The following ZNF638 variants were observed in gnomAD, a reference collection of about 807,000 sequenced individuals.
ZNF638 encodes the protein CTCL tumor antigen se33-1.
Under a neutral mutation model 195.6 loss-of-function variants are expected in ZNF638, and 46 were observed. That is an observed-to-expected ratio of 0.24 (90% confidence interval 0.19 to 0.30). The LOEUF (loss-of-function observed/expected upper bound fraction) is 0.30. ZNF638 is among the 10% of genes least tolerant of loss of function. The probability of loss-of-function intolerance (pLI) is 1.00; values close to 1 mark genes in which losing one functional copy is unlikely to be tolerated. For synonymous variants in ZNF638, 845 were observed against 772.0 expected, an observed-to-expected ratio of 1.09 and a Z score of -1.57; for missense variants, 2,440 against 2,325.3, an observed-to-expected ratio of 1.05 and a Z score of -1.01.
intron 8 of ZNF638, among the ~76,000 whole-genome samples, chr2:71,378,546 A>G (rs546963541): frequency 2.0e-5 from 3 of 152,232 alleles, no homozygotes; most frequent in Admixed American, 2.0e-4. Context: ...ATTGAAGAAC[A>G]CAAAGTCTCT....
chr2:71,383,578 T>C (rs2079573400), intron 10 of ZNF638, among the ~76,000 whole-genome samples: 1 of 146,730 alleles, frequency 6.8e-6, no homozygotes, highest in East Asian at 2.0e-4. Flanking sequence ...TTTTTTTTTT[T>C]TTTCTTCTTT....
chr2:71,344,810 A>T (rs2104141076), intron 1 of ZNF638, among the ~76,000 whole-genome samples: 1 of 152,354 alleles, frequency 6.6e-6, no homozygotes. Context: ...GGAAACTATA[A>T]TACCTTATAA....
chr2:71,337,481 C>T (rs536933258), intron 1 of ZNF638, among the ~76,000 whole-genome samples: 131 of 152,174 alleles, frequency 8.6e-4, no homozygotes, highest in African/African-American at 2.7e-3. Flanking sequence ...TGAGTGATCT[C>T]GGCTCACTGC....
chr2:71,393,367 A>G (rs1363536953), intron 10 of ZNF638: 12 of 715,494 alleles, frequency 1.7e-5, no homozygotes, highest in South Asian at 8.9e-5. Flanking sequence ...GGGGAAGATG[A>G]TATGCTTGTG....
chr2:71,377,013 C>CT, intron 8 of ZNF638, among the ~76,000 whole-genome samples: 1 of 152,226 alleles, frequency 6.6e-6, no homozygotes, highest in African/African-American at 2.4e-5. Context: ...TGGCTCATGC[C>CT]TGTAATCCCA....
At chr2:71,340,574 G>A (rs956982308) in intron 1 of ZNF638, among the ~76,000 whole-genome samples, 2 of 152,210 alleles carry the variant, frequency 1.3e-5, no homozygotes, top group African/African-American at 2.4e-5. Context: ...AGTATCAAAT[G>A]AGGTATATGG....
chr2:71,405,994 C>T, intron 18 of ZNF638, 134 bp from the exon 19 acceptor site: 3 of 977,700 alleles, frequency 3.1e-6, no homozygotes, highest in South Asian at 1.7e-5. Context: ...CACTGTCTTC[C>T]CCCATGTAGT....
intron 10 of ZNF638, among the ~76,000 whole-genome samples, chr2:71,389,585 G>A (rs1434249536): frequency 1.3e-5 from 2 of 152,172 alleles, no homozygotes; most frequent in African/African-American, 4.8e-5. Context: ...ATGCTTCAGG[G>A]GAGGGGTTCC....
intron 19 of ZNF638, 75 bp from the exon 20 acceptor site, chr2:71,408,047 A>G: frequency 7.1e-7 from 1 of 1,413,012 alleles, no homozygotes; most frequent in Non-Finnish European, 9.7e-7. Flanking sequence ...AAAAAGTGGA[A>G]TTGTTGGATT....
At position 71,372,789 on chromosome 2, in the gene ZNF638, A is replaced by G. The variant is rs372608978; in HGVS notation, c.2265+2784A>G. On this transcript the variant is annotated intron_variant, in intron 8 of 27. Transcript: ENST00000264447. ...TAGCTGTGGAATGGCTACTTTATAG[A>G]GGTTCTATAACACACATTTCTCAAT... Among the ~76,000 whole-genome samples the G allele has an allele frequency of 3.9e-5, 6 of 152,208 alleles. No individual in the cohort carries two copies. In the South Asian group the frequency reaches 8.3e-4, roughly 21 times the overall value.
chr2:71,419,974 C>CCCTTT (rs1189202093), intron 21 of ZNF638, among the ~76,000 whole-genome samples: 1 of 27,022 alleles, frequency 3.7e-5, no homozygotes. Context: ...CCCCCCCCGC[C>CCCTTT]TTTTTTTTTT....
At chr2:71,334,068 C>T (rs1297894479) in intron 1 of ZNF638, among the ~76,000 whole-genome samples, 4 of 151,650 alleles carry the variant, frequency 2.6e-5, no homozygotes, top group Admixed American at 6.5e-5. Flanking sequence ...TTTTACATGC[C>T]TTTCTTGTAG....
intron 1 of ZNF638, among the ~76,000 whole-genome samples, chr2:71,343,097 A>G (rs181361960): frequency 7.6e-4 from 115 of 152,306 alleles, no homozygotes; most frequent in African/African-American, 2.5e-3. Flanking sequence ...ATGCCATCCT[A>G]CAAAACTCAA....
chr2:71,357,581 T>G (rs1307733593), intron 3 of ZNF638, among the ~76,000 whole-genome samples: 2 of 152,218 alleles, frequency 1.3e-5, no homozygotes, highest in African/African-American at 4.8e-5. Context: ...AGAGAGTCAT[T>G]CATGCTAGTA....
intron 5 of ZNF638, 117 bp downstream of exon 5, chr2:71,364,369 A>G: frequency 9.0e-7 from 1 of 1,106,606 alleles, no homozygotes; most frequent in Non-Finnish European, 1.3e-6. Context: ...TGATAAATGA[A>G]ATCTGACCCA....
chr2:71,422,749 T>A (rs1287261794), intron 21 of ZNF638, 65 bp from the exon 22 acceptor site: 4 of 1,501,714 alleles, frequency 2.7e-6, no homozygotes, highest in South Asian at 2.6e-5. Context: ...TGAATTCTCA[T>A]CATAGTTTGA....
chr2:71,357,741 A>C (rs965895429), intron 3 of ZNF638, among the ~76,000 whole-genome samples: 4 of 151,742 alleles, frequency 2.6e-5, no homozygotes, highest in African/African-American at 9.7e-5. Context: ...TTAATGTTCT[A>C]CTCTATTTTT....
At chr2:71,410,772 A>C (rs141576814) in intron 20 of ZNF638, among the ~76,000 whole-genome samples, 1,934 of 152,256 alleles carry the variant, frequency 0.013, 37 homozygotes, top group African/African-American at 0.042. Flanking sequence ...GAGAGACCTG[A>C]TGGAAGAGAG....
At chr2:71,412,554 G>T (rs1202749735) in intron 20 of ZNF638, among the ~76,000 whole-genome samples, 1 of 37,566 alleles carries the variant, frequency 2.7e-5, no homozygotes. Flanking sequence ...CCTTGCCCAC[G>T]CCTATGTCCT....
Sources: allele counts gnomAD v4.1 joint callset (sites outside exome capture counted in the v4.1 genomes callset), GRCh38; gene constraint gnomAD v4.1.1; transcripts MANE v1.5; gene names NCBI Gene and HGNC (gene_info 2026-07-23, HGNC 2026-07-21).